Variants in AFF3 observed in about 807,000 individuals in gnomAD.
AFF3 encodes the protein ALF transcription elongation factor 3, also known as AF4/FMR2 family member 3.
Under a neutral mutation model 129.7 loss-of-function variants are expected in AFF3, and 32 were observed. That is an observed-to-expected ratio of 0.25 (90% CI 0.19 to 0.33). AFF3 has a LOEUF of 0.33. Among genes scored for constraint, AFF3 ranks in the 10% least tolerant of loss-of-function variants. The pLI is 1.00. For synonymous variants in AFF3, 644 were observed against 635.4 expected, an observed-to-expected ratio of 1.01 and a Z score of -0.20; for missense variants, 1,373 against 1,592.0, an observed-to-expected ratio of 0.86 and a Z score of 2.34.
intron 11 of AFF3, among the ~76,000 whole-genome samples, chr2:99,690,155 T>TTTA (rs200485697): frequency 0.066 from 8,162 of 122,908 alleles, 307 homozygotes; most frequent in Middle Eastern, 0.12. Context: ...AACCACAATC[T>TTTA]TTATTATTAT....
intron 8 of AFF3, among the ~76,000 whole-genome samples, chr2:99,792,027 A>T (rs1685234205): frequency 6.6e-6 from 1 of 152,076 alleles, no homozygotes; most frequent in African/African-American, 2.4e-5. Flanking sequence ...ATGTTAAATA[A>T]GGTGTCTTTA....
At chr2:99,822,421 T>G (rs932180877) in intron 8 of AFF3, among the ~76,000 whole-genome samples, 5 of 152,194 alleles carry the variant, frequency 3.3e-5, no homozygotes, top group African/African-American at 1.2e-4. Flanking sequence ...TCTCATTTTC[T>G]CAGCATTTCT....
At chr2:99,893,146 A>G (rs1318670795) in intron 7 of AFF3, among the ~76,000 whole-genome samples, 1 of 152,130 alleles carries the variant, frequency 6.6e-6, no homozygotes, top group Non-Finnish European at 1.5e-5. Context: ...AAATCCACGT[A>G]ACTGTCTTTG....
At chr2:99,751,999 T>A (rs1681698088) in intron 9 of AFF3, among the ~76,000 whole-genome samples, 1 of 152,222 alleles carries the variant, frequency 6.6e-6, no homozygotes, top group Non-Finnish European at 1.5e-5. Flanking sequence ...ATTACAGTAG[T>A]ATCACATTTT....
At chr2:100,105,831 G>C (rs1014583065) in intron 2 of AFF3, 5 of 1,342,614 alleles carry the variant, frequency 3.7e-6, no homozygotes, top group African/African-American at 3.0e-5. Context: ...AATTCCTAGA[G>C]AGCAGCTCAG....
chr2:99,702,120 C>A (rs1156778557), intron 11 of AFF3, among the ~76,000 whole-genome samples: 1 of 152,150 alleles, frequency 6.6e-6, no homozygotes, highest in East Asian at 1.9e-4. Flanking sequence ...ATTTTTATTT[C>A]TCTGGGATAT....
In AFF3 at chr2:99,818,300, T is replaced by G. The variant is rs1372035686; in HGVS notation, c.921+19177A>C. On this transcript the variant is annotated intron_variant, in intron 8 of 24. Coordinates refer to ENST00000672756, the MANE Select transcript of AFF3 (RefSeq NM_001386135.1). Reference sequence around the variant, plus strand: ...TTCAGATAAGAGATACTCAAATCATTAAAGTACTTATTGAGACTATTAGGT... The same window carrying G: ...TTCAGATAAGAGATACTCAAATCATGAAAGTACTTATTGAGACTATTAGGT... 2.0e-5 allele frequency among the ~76,000 whole-genome samples: 3 copies of G among 152,204 alleles called. No individual in the cohort carries two copies. The East Asian group carries it at 5.8e-4, about 29-fold the overall frequency.
At chr2:99,589,695 G>A (rs946261878) in intron 15 of AFF3, among the ~76,000 whole-genome samples, 14 of 151,962 alleles carry the variant, frequency 9.2e-5, no homozygotes, top group African/African-American at 2.4e-4. Flanking sequence ...CACCACGGCC[G>A]GCCCAGATGT....
At chr2:100,119,679 A>C (rs1010422642) in intron 2 of AFF3, among the ~76,000 whole-genome samples, 3 of 152,262 alleles carry the variant, frequency 2.0e-5, no homozygotes, top group African/African-American at 2.4e-5. Flanking sequence ...TGAGGTAGGC[A>C]CTGTCATTAT....
At chr2:100,016,306 A>G (rs890109029) in intron 4 of AFF3, among the ~76,000 whole-genome samples, 9 of 135,594 alleles carry the variant, frequency 6.6e-5, no homozygotes, top group African/African-American at 2.3e-4. Context: ...GGTGGCAGCG[A>G]TGGTGACAGT....
chr2:99,990,204 C>T (rs184286126), intron 7 of AFF3, among the ~76,000 whole-genome samples: 90 of 151,960 alleles, frequency 5.9e-4, no homozygotes, highest in Non-Finnish European at 1.1e-3. Flanking sequence ...TTCCGTTGGC[C>T]ACTACTTAAT....
chr2:100,019,883 T>A (rs1047434512), intron 4 of AFF3, among the ~76,000 whole-genome samples: 3 of 152,030 alleles, frequency 2.0e-5, no homozygotes, highest in African/African-American at 7.2e-5. Context: ...CTGAGGCCTA[T>A]CCCCCCAACC....
intron 15 of AFF3, among the ~76,000 whole-genome samples, chr2:99,590,380 A>G (rs1272180352): frequency 2.0e-5 from 3 of 152,216 alleles, no homozygotes; most frequent in African/African-American, 4.8e-5. Context: ...GCCCCTGCAC[A>G]TGTACCATCA....
intron 13 of AFF3, among the ~76,000 whole-genome samples, chr2:99,626,452 CCT>C (rs1558663030): frequency 4.7e-5 from 3 of 63,616 alleles, no homozygotes; most frequent in Non-Finnish European, 1.3e-4. Context: ...CTTCCCTTCC[CCT>C]TCCTTCCTTC....
intron 8 of AFF3, among the ~76,000 whole-genome samples, chr2:99,772,482 G>A (rs10206307): frequency 0.1 from 15,599 of 152,200 alleles, 2,482 homozygotes; most frequent in African/African-American, 0.34. Context: ...TTCTCAGGGA[G>A]AGAAACAGAA....
At chr2:99,900,133 A>C (rs1255977130) in intron 7 of AFF3, among the ~76,000 whole-genome samples, 1 of 152,204 alleles carries the variant, frequency 6.6e-6, no homozygotes, top group Non-Finnish European at 1.5e-5. Context: ...CCCTGTGAAG[A>C]GGCTGTAACT....
intron 8 of AFF3, among the ~76,000 whole-genome samples, chr2:99,789,475 T>A (rs1261414280): frequency 3.6e-5 from 5 of 140,368 alleles, no homozygotes; most frequent in Non-Finnish European, 6.1e-5. Flanking sequence ...AAAAAAGTAG[T>A]TGAGGATTCA....
intron 11 of AFF3, 146 bp downstream of exon 11, chr2:99,726,931 G>A: frequency 1.4e-6 from 1 of 731,516 alleles, no homozygotes; most frequent in Non-Finnish European, 2.1e-6. Context: ...TGCACCCAAA[G>A]CATTTAGAAA....
intron 7 of AFF3, among the ~76,000 whole-genome samples, chr2:99,973,911 C>G (rs113617903): frequency 1.0e-3 from 159 of 152,208 alleles, no homozygotes; most frequent in Non-Finnish European, 1.8e-3. Context: ...AAGAGTCCTG[C>G]CTTGAGCCAG....
Sources: allele counts gnomAD v4.1 joint callset (sites outside exome capture counted in the v4.1 genomes callset), GRCh38; gene constraint gnomAD v4.1.1; transcripts MANE v1.5; gene names NCBI Gene and HGNC (gene_info 2026-07-23, HGNC 2026-07-21).